ANO4: variants seen among roughly 807,000 people sequenced by gnomAD.
ANO4 encodes the protein anoctamin 4.
In ANO4, 69 loss-of-function variants were observed where a neutral mutation model predicts 141.9. The observed-to-expected ratio is 0.49, with a 90% CI of 0.40 to 0.59. ANO4 has a LOEUF of 0.59. Among genes scored for constraint, ANO4 ranks in the 20% least tolerant of loss-of-function variants. The pLI, the probability that ANO4 is intolerant of heterozygous loss-of-function variation, is 0.00. For missense variants in ANO4, 894 were observed against 1,162.2 expected (o/e 0.77, Z 3.36); for synonymous variants, 350 against 394.3 (o/e 0.89, Z 1.33).
chr12:101,044,802 G>A (rs572964377), intron 13 of ANO4, among the ~76,000 whole-genome samples: 1 of 152,170 alleles, frequency 6.6e-6, no homozygotes, highest in Non-Finnish European at 1.5e-5. Context: ...AATGCTCTGA[G>A]CCCTATCTTT....
chr12:100,939,060 G>A (rs582147), intron 3 of ANO4, among the ~76,000 whole-genome samples: 122,807 of 152,158 alleles, frequency 0.81, 49,800 homozygotes, highest in African/African-American at 0.89. Flanking sequence ...TGCTATCATG[G>A]AAGACAAATT....
At chr12:101,096,915 C>T (rs1182440554) in intron 19 of ANO4, among the ~76,000 whole-genome samples, 2 of 152,180 alleles carry the variant, frequency 1.3e-5, no homozygotes, top group Non-Finnish European at 2.9e-5. Flanking sequence ...TTGAAAACTT[C>T]TGGCCTCTGT....
chr12:100,948,846 T>C (rs1338425763), intron 5 of ANO4, among the ~76,000 whole-genome samples: 1 of 152,182 alleles, frequency 6.6e-6, no homozygotes, highest in Non-Finnish European at 1.5e-5. Context: ...TTTGCTATCA[T>C]AGAATATGAC....
At chr12:100,786,925 A>G (rs1239783197) in intron 3 of ANO4, among the ~76,000 whole-genome samples, 2 of 152,212 alleles carry the variant, frequency 1.3e-5, no homozygotes, top group African/African-American at 2.4e-5. Flanking sequence ...ATATACACTG[A>G]GGATCCATAT....
At chr12:100,931,621 A>G (rs752336722) in intron 3 of ANO4, among the ~76,000 whole-genome samples, 2 of 152,184 alleles carry the variant, frequency 1.3e-5, no homozygotes, top group Admixed American at 6.5e-5. Context: ...CCTGAAAATC[A>G]TTAACACACA....
intron 19 of ANO4, among the ~76,000 whole-genome samples, chr12:101,097,110 T>A (rs915938726): frequency 6.6e-6 from 1 of 152,096 alleles, no homozygotes; most frequent in Non-Finnish European, 1.5e-5. Flanking sequence ...TTATGAGGAT[T>A]TGGGAAAGAT....
At chr12:101,070,286 C>G (rs991612012) in intron 14 of ANO4, among the ~76,000 whole-genome samples, 5 of 151,946 alleles carry the variant, frequency 3.3e-5, no homozygotes, top group Admixed American at 1.3e-4. Flanking sequence ...TCTATAGTAA[C>G]CAAAAAGGCC....
At chr12:100,832,089 C>T (rs2036661766) in intron 1 of ANO4, among the ~76,000 whole-genome samples, 1 of 152,028 alleles carries the variant, frequency 6.6e-6, no homozygotes, top group Non-Finnish European at 1.5e-5. Flanking sequence ...CAGGTATGCA[C>T]ATGTTTATGC....
intron 3 of ANO4, among the ~76,000 whole-genome samples, chr12:100,760,372 G>A (rs888937175): frequency 6.6e-6 from 1 of 152,172 alleles, no homozygotes; most frequent in African/African-American, 2.4e-5. Flanking sequence ...CCTCCCCAAA[G>A]TCTAACAGCT....
At chr12:100,748,886 G>A (rs934896867) in intron 3 of ANO4, among the ~76,000 whole-genome samples, 1 of 152,100 alleles carries the variant, frequency 6.6e-6, no homozygotes, top group African/African-American at 2.4e-5. Context: ...GGGGTATTTA[G>A]ATTTTAATCG....
chr12:101,033,374 G>C (rs201042768), intron 9 of ANO4, among the ~76,000 whole-genome samples: 1 of 152,022 alleles, frequency 6.6e-6, no homozygotes, highest in South Asian at 2.1e-4. Context: ...GCTAGATGAC[G>C]AGCTAGTGGG....
chr12:100,749,154 G>A (rs1181547492), intron 3 of ANO4, among the ~76,000 whole-genome samples: 1 of 152,076 alleles, frequency 6.6e-6, no homozygotes, highest in Non-Finnish European at 1.5e-5. Flanking sequence ...AGGAGCTGGG[G>A]GTAAATGTCT....
At position 101,043,580 on chromosome 12, in the gene ANO4, T is replaced by C. The variant is rs747243971; in HGVS notation, c.1196T>C (p.Val399Ala). The C allele has an allele frequency of 6.2e-7, 1 of 1,613,870 alleles. No homozygotes were observed. Among genetic ancestry groups the C allele is most frequent in the African/African-American group, 1.3e-5 (1 of 75,044 alleles). ...CQATDIIMCP[V>A]CDKYCPFMRL... ...GCTACAGATATCATCATGTGTCCTGTGTGTGATAAATACTGTCCATTCATG... is the reference window on the plus strand; with the variant it reads ...GCTACAGATATCATCATGTGTCCTGCGTGTGATAAATACTGTCCATTCATG... The change falls in exon 13 of 28, where the codon GTG becomes GCG. Residue 399 changes from valine to alanine, a missense_variant. Transcript: ENST00000392977.
exon 3 of ANO4, chr12:100,740,030 C>T: frequency 1.4e-6 from 1 of 702,596 alleles, no homozygotes; most frequent in South Asian, 1.5e-5. Context: ...TTTGTCCTGT[C>T]CAGCCTCACT....
At chr12:100,865,246 C>T (rs907732763) in intron 1 of ANO4, among the ~76,000 whole-genome samples, 3 of 152,082 alleles carry the variant, frequency 2.0e-5, no homozygotes, top group African/African-American at 7.2e-5. Flanking sequence ...ACACTCCTGC[C>T]AACAGTGTAA....
At chr12:100,841,117 G>A (rs2037223798) in intron 1 of ANO4, among the ~76,000 whole-genome samples, 1 of 152,144 alleles carries the variant, frequency 6.6e-6, no homozygotes, top group African/African-American at 2.4e-5. Flanking sequence ...AACCAGAAAT[G>A]AGGGGAGAAG....
intron 14 of ANO4, among the ~76,000 whole-genome samples, chr12:101,065,162 T>C (rs1215981625): frequency 1.3e-5 from 2 of 152,202 alleles, no homozygotes; most frequent in Non-Finnish European, 2.9e-5. Context: ...CTGAAGTTGC[T>C]AAGATATACA....
chr12:101,102,023 G>A (rs967312302), intron 22 of ANO4, among the ~76,000 whole-genome samples: 5 of 152,028 alleles, frequency 3.3e-5, no homozygotes, highest in African/African-American at 9.7e-5. Context: ...GGCAGAGGTT[G>A]CAGTGAGCCA....
chr12:100,920,829 T>C (rs913700638), intron 2 of ANO4, among the ~76,000 whole-genome samples: 1 of 152,180 alleles, frequency 6.6e-6, no homozygotes, highest in Admixed American at 6.6e-5. Context: ...GTTGCTTTAA[T>C]AAATTATTAT....
Sources: allele counts gnomAD v4.1 joint callset (sites outside exome capture counted in the v4.1 genomes callset), GRCh38; gene constraint gnomAD v4.1.1; transcripts MANE v1.5; gene names NCBI Gene and HGNC (gene_info 2026-07-23, HGNC 2026-07-21).